LRRC7: variants seen among roughly 807,000 people sequenced by gnomAD.
The protein encoded by LRRC7 is leucine-rich repeat-containing protein 7.
Under a neutral mutation model 175.7 loss-of-function variants are expected in LRRC7, and 23 were observed. The ratio of observed to expected loss-of-function variants is 0.13; its 90% CI spans 0.09 to 0.19. The LOEUF (loss-of-function observed/expected upper bound fraction) is 0.19. LRRC7 is among the 10% of genes least tolerant of loss of function. LRRC7 has a pLI of 1.00. For missense variants in LRRC7, 1,354 were observed against 1,904.7 expected (o/e 0.71, Z 5.38); for synonymous variants, 685 against 680.9 (o/e 1.01, Z -0.09).
At position 70,115,700 on chromosome 1, in the gene LRRC7, A is replaced by T. The variant is rs561298460; in HGVS notation, c.4621-6080A>T. Reference sequence around the variant, plus strand: ...CCACAACCTAGTCCTGGAAATAGACATACCCAAATTATACAGAGCAGGAAC... The same window carrying T: ...CCACAACCTAGTCCTGGAAATAGACTTACCCAAATTATACAGAGCAGGAAC... On this transcript the variant is annotated intron_variant, in intron 26 of 26. Transcript: ENST00000651989. Among the ~76,000 whole-genome samples the T allele has an allele frequency of 1.4e-4, 22 of 152,360 alleles. No individual in the cohort carries two copies. The East Asian group carries it at 3.9e-3, about 27-fold the overall frequency.
At chr1:70,011,745 C>T (rs1656527986) in intron 11 of LRRC7, 52 bp from the exon 12 acceptor site, 2 of 1,335,894 alleles carry the variant, frequency 1.5e-6, no homozygotes, top group Non-Finnish European at 1.1e-6. Flanking sequence ...TTTTTCAAAA[C>T]ATTTTGCTAT....
chr1:69,893,512 T>C (rs1220889080), intron 7 of LRRC7, among the ~76,000 whole-genome samples: 3 of 152,218 alleles, frequency 2.0e-5, no homozygotes, highest in African/African-American at 4.8e-5. Flanking sequence ...TTGAAATACA[T>C]TCTATATTTT....
At chr1:70,101,412 G>C (rs1488492978) in intron 25 of LRRC7, among the ~76,000 whole-genome samples, 3 of 152,166 alleles carry the variant, frequency 2.0e-5, no homozygotes, top group African/African-American at 7.2e-5. Context: ...TGAAGTCATA[G>C]GTCCCTTAAG....
At chr1:69,900,785 C>T (rs1237572242) in intron 7 of LRRC7, among the ~76,000 whole-genome samples, 1 of 152,080 alleles carries the variant, frequency 6.6e-6, no homozygotes, top group Admixed American at 6.5e-5. Context: ...GATATGCAAC[C>T]TGTATTCTAA....
intron 3 of LRRC7, among the ~76,000 whole-genome samples, chr1:69,763,898 T>G (rs1475926225): frequency 1.3e-5 from 2 of 152,072 alleles, no homozygotes; most frequent in African/African-American, 4.8e-5. Flanking sequence ...GAATTATCTT[T>G]TACATATGTA....
chr1:69,606,873 C>T (rs572377326), intron 1 of LRRC7: 36 of 152,170 alleles, frequency 2.4e-4, no homozygotes, highest in Non-Finnish European at 4.4e-4. Context: ...TAGAAGATTT[C>T]AAGAAACAAA....
chr1:70,043,977 A>G lies in LRRC7; in HGVS notation c.3993A>G (p.Thr1331=). ...AGAATGCTGCTTACAAACACAATACAGTTAACCTTGGCATGCTGCCCTATG... is the reference window on the plus strand; with the variant it reads ...AGAATGCTGCTTACAAACACAATACGGTTAACCTTGGCATGCTGCCCTATG... ...LDRNAAYKHN[T]VNLGMLPYGG... Residue 1331 remains threonine, a synonymous_variant, in exon 22 of 27, where the codon ACA becomes ACG. Transcript: ENST00000651989. 1 of 1,612,954 alleles carries G rather than the reference A, an allele frequency of 6.2e-7. No individual in the cohort carries two copies. The highest frequency in any genetic ancestry group is 8.5e-7 in the Non-Finnish European group (1 of 1,179,190).
chr1:70,010,526 C>T (rs1438560354), intron 11 of LRRC7, among the ~76,000 whole-genome samples: 1 of 152,116 alleles, frequency 6.6e-6, no homozygotes, highest in East Asian at 1.9e-4. Context: ...GTTTGTGCCA[C>T]TGCACTCCAG....
In LRRC7 at chr1:69,936,825, G is replaced by A. The variant is rs1055192714; in HGVS notation, c.711+5255G>A. Among the ~76,000 whole-genome samples the A allele has an allele frequency of 3.3e-5, 5 of 152,050 alleles. No homozygotes were observed. In the South Asian group the frequency reaches 1.0e-3, roughly 32 times the overall value. On this transcript the variant is annotated intron_variant, in intron 8 of 26. Coordinates refer to ENST00000651989, the MANE Select transcript of LRRC7 (RefSeq NM_001370785.2). ...TATAAGTGAGAGCATGTGGTATTTGGTTTTCTGTTCCTGCATTAATTTGCT... is the reference window on the plus strand; with the variant it reads ...TATAAGTGAGAGCATGTGGTATTTGATTTTCTGTTCCTGCATTAATTTGCT...
chr1:69,667,375 A>G (rs1176211806), intron 1 of LRRC7, among the ~76,000 whole-genome samples: 1 of 152,110 alleles, frequency 6.6e-6, no homozygotes, highest in Admixed American at 6.6e-5. Flanking sequence ...TTCTGTCTGG[A>G]AGATCTGTCT....
intron 2 of LRRC7, among the ~76,000 whole-genome samples, chr1:69,754,547 C>G (rs766261922): frequency 2.6e-5 from 4 of 151,938 alleles, no homozygotes; most frequent in Non-Finnish European, 5.9e-5. Context: ...ATTGCTAACA[C>G]TAAGTAAATG....
In LRRC7 at chr1:70,012,997, A is replaced by G. The variant is rs1370787146; in HGVS notation, c.1158A>G (p.Thr386=). ...PREIGSCKNV[T]VMSLRSNKLE... The stretch of plus-strand genomic sequence containing the variant: ...AGATTGGAAGTTGTAAGAATGTAAC[A>G]GTCATGTCTCTACGCTCCAACAAAT... Residue 386 remains threonine (T), a synonymous_variant, in exon 13 of 27, where the codon ACA becomes ACG. Coordinates refer to ENST00000651989, the MANE Select transcript of LRRC7 (RefSeq NM_001370785.2). 6.4e-7 allele frequency: 1 copy of G among 1,567,136 alleles called. No individual in the cohort carries two copies. The highest frequency in any genetic ancestry group is 2.4e-5 in the East Asian group (1 of 41,530).
chr1:70,059,957 C>T (rs1471876397), intron 23 of LRRC7, among the ~76,000 whole-genome samples: 1 of 151,852 alleles, frequency 6.6e-6, no homozygotes, highest in Non-Finnish European at 1.5e-5. Flanking sequence ...GAAAAATCAC[C>T]TCAACCTATA....
At chr1:69,923,050 G>A (rs1243684681) in intron 7 of LRRC7, among the ~76,000 whole-genome samples, 4 of 151,856 alleles carry the variant, frequency 2.6e-5, no homozygotes, top group Non-Finnish European at 5.9e-5. Context: ...TCCCACCTAT[G>A]AGTGAGAACA....
chr1:69,884,553 G>T lies in LRRC7; in HGVS notation c.647+46270G>T, dbSNP rs368595196. 6.0e-4 allele frequency among the ~76,000 whole-genome samples: 82 copies of T among 137,576 alleles called. 8 individuals carry two copies. The East Asian group carries it at 0.015, about 26-fold the overall frequency. 90.3% of individuals were successfully genotyped at this position (137,576 alleles called of 152,430 possible). A position where few individuals can be genotyped will look rare whatever the true frequency, so the allele number is the denominator to read the frequency against. On this transcript the variant is annotated intron_variant, in intron 7 of 26. Transcript: ENST00000651989. ...GGTTTTCTAGATATACAATCATGTC[G>T]TCTGCAAACAGGGACAATTTGACTT...
intron 2 of LRRC7, among the ~76,000 whole-genome samples, chr1:69,727,583 T>G (rs1157989093): frequency 6.6e-6 from 1 of 152,210 alleles, no homozygotes. Flanking sequence ...TTAATACTTA[T>G]GTGTAAAATT....
At chr1:69,795,865 T>G (rs1309262067) in intron 4 of LRRC7, among the ~76,000 whole-genome samples, 2 of 152,140 alleles carry the variant, frequency 1.3e-5, no homozygotes, top group Non-Finnish European at 2.9e-5. Flanking sequence ...TGAACTATTG[T>G]GTACAGAAAG....
intron 15 of LRRC7, 92 bp downstream of exon 15, chr1:70,018,910 AC>A: frequency 1.2e-6 from 1 of 865,270 alleles, no homozygotes; most frequent in Non-Finnish European, 1.9e-6. Context: ...GAGTACTGGC[AC>A]ATGGACAAGC....
chr1:69,653,365 T>C (rs1242262667), intron 1 of LRRC7, among the ~76,000 whole-genome samples: 1 of 144,410 alleles, frequency 6.9e-6, no homozygotes, highest in Non-Finnish European at 1.5e-5. Flanking sequence ...AACAGATCTG[T>C]GAAAAGATGC....
Sources: gnomAD v4.1 joint callset for allele counts (sites outside exome capture counted in the v4.1 genomes callset) on GRCh38, gnomAD v4.1.1 for gene constraint, MANE v1.5 for transcripts, NCBI Gene and HGNC (gene_info 2026-07-23, HGNC 2026-07-21) for gene names.